Variants in TENM3 observed in about 807,000 individuals in gnomAD.
The protein encoded by TENM3 is teneurin-3.
Under a neutral mutation model 255.1 loss-of-function variants are expected in TENM3, and 63 were observed. That is an observed-to-expected ratio of 0.25 (90% CI 0.20 to 0.30). The LOEUF is 0.30. Among genes scored for constraint, TENM3 ranks in the 10% least tolerant of loss-of-function variants. The pLI is 1.00. For missense variants in TENM3, 2,929 were observed against 3,461.1 expected (o/e 0.85, Z 3.86); for synonymous variants, 1,306 against 1,322.3 (o/e 0.99, Z 0.27).
intron 5 of TENM3, among the ~76,000 whole-genome samples, chr4:182,639,780 A>T (rs533228062): frequency 3.9e-5 from 6 of 152,320 alleles, no homozygotes; most frequent in African/African-American, 1.4e-4. Context: ...CTTGCCTTTA[A>T]CATCTCTTTT....
chr4:182,169,547 G>T (rs1751963850), intron 1 of TENM3, among the ~76,000 whole-genome samples: 1 of 152,156 alleles, frequency 6.6e-6, no homozygotes, highest in African/African-American at 2.4e-5. Flanking sequence ...AGAAAGTGCT[G>T]TGAATTTAAA....
chr4:182,220,748 C>G (rs1755806042), intron 1 of TENM3, among the ~76,000 whole-genome samples: 2 of 152,196 alleles, frequency 1.3e-5, no homozygotes, highest in Non-Finnish European at 2.9e-5. Flanking sequence ...AGCCCATGTA[C>G]AGTGTACATT....
the TENM3 span, among the ~76,000 whole-genome samples, chr4:181,827,707 G>A: frequency 1.3e-5 from 2 of 152,170 alleles, no homozygotes; most frequent in Non-Finnish European, 2.9e-5. Flanking sequence ...GCTGAGGGAG[G>A]AACCCTGTGG....
chr4:181,564,649 A>G, the TENM3 span, among the ~76,000 whole-genome samples: 1 of 151,988 alleles, frequency 6.6e-6, no homozygotes, highest in Non-Finnish European at 1.5e-5. Context: ...CTCCTCCCCC[A>G]TCTGTCTCAG....
At chr4:182,417,248 T>A (rs1002311939) in intron 3 of TENM3, among the ~76,000 whole-genome samples, 4 of 152,124 alleles carry the variant, frequency 2.6e-5, no homozygotes, top group African/African-American at 9.7e-5. Context: ...AGTGCTGGGA[T>A]TACAGGCGTG....
chr4:181,462,323 T>C, the TENM3 span, among the ~76,000 whole-genome samples: 2 of 152,094 alleles, frequency 1.3e-5, no homozygotes, highest in East Asian at 3.9e-4. Flanking sequence ...CCAGAGTCCT[T>C]TCCATTTCCC....
chr4:181,688,466 C>G, the TENM3 span, among the ~76,000 whole-genome samples: 3 of 151,836 alleles, frequency 2.0e-5, no homozygotes, highest in Non-Finnish European at 2.9e-5. Flanking sequence ...TTGATAGAAG[C>G]CAATTCATGT....
chr4:182,314,021 G>A (rs1408535834), intron 1 of TENM3, among the ~76,000 whole-genome samples: 3 of 152,104 alleles, frequency 2.0e-5, no homozygotes, highest in Admixed American at 6.6e-5. Flanking sequence ...ATTAAAAGAG[G>A]GCACGGGCTG....
chr4:181,832,134 G>A, the TENM3 span, among the ~76,000 whole-genome samples: 372 of 152,108 alleles, frequency 2.4e-3, 3 homozygotes, highest in African/African-American at 8.5e-3. Context: ...AGTGCACAAT[G>A]TGTTTCGTGT....
the TENM3 span, among the ~76,000 whole-genome samples, chr4:181,623,092 TA>T: frequency 5.3e-5 from 8 of 151,634 alleles, no homozygotes; most frequent in African/African-American, 1.7e-4. Flanking sequence ...AAGTTCGAAT[TA>T]AAAAAAAACT....
At chr4:182,051,233 C>T in the TENM3 span, among the ~76,000 whole-genome samples, 12 of 151,738 alleles carry the variant, frequency 7.9e-5, no homozygotes, top group Non-Finnish European at 1.6e-4. Flanking sequence ...ATCCCAGCTA[C>T]TCGGGAGGCT....
At chr4:182,285,871 C>T (rs895038159) in intron 1 of TENM3, among the ~76,000 whole-genome samples, 2 of 152,064 alleles carry the variant, frequency 1.3e-5, no homozygotes, top group Non-Finnish European at 1.5e-5. Flanking sequence ...AAAAAATAAG[C>T]CTTTAAACAA....
chr4:182,255,813 A>AT lies in TENM3; in HGVS notation c.-76+12346dup, dbSNP rs199657370. On this transcript the variant is annotated intron_variant, in intron 1 of 27. Coordinates refer to ENST00000511685, the MANE Select transcript of TENM3 (RefSeq NM_001080477.4). ...AAAATTTGCATCCTTCATTGTTAAC[A>AT]TTTTTTTTTCCTGAATGAGAAGACT... Among the ~76,000 whole-genome samples, 11 of 151,588 alleles carry AT rather than the reference A, an allele frequency of 7.3e-5. No individual in the cohort carries two copies. The South Asian group carries it at 8.4e-4, about 12-fold the overall frequency.
At chr4:182,030,756 T>C in the TENM3 span, among the ~76,000 whole-genome samples, 453 of 152,300 alleles carry the variant, frequency 3.0e-3, 1 homozygote, top group African/African-American at 0.01. Context: ...CCTGACTAGG[T>C]GAGATGCTAT....
the TENM3 span, among the ~76,000 whole-genome samples, chr4:181,862,632 G>A: frequency 2.0e-5 from 3 of 152,108 alleles, no homozygotes; most frequent in Non-Finnish European, 2.9e-5. Flanking sequence ...AGGCACTGTA[G>A]CAAATTTCTT....
At chr4:181,495,076 A>C in the TENM3 span, among the ~76,000 whole-genome samples, 1 of 152,214 alleles carries the variant, frequency 6.6e-6, no homozygotes, top group African/African-American at 2.4e-5. Flanking sequence ...AATTAAAGAT[A>C]ATCAGTAAGG....
At chr4:182,078,469 C>G in the TENM3 span, among the ~76,000 whole-genome samples, 1 of 152,128 alleles carries the variant, frequency 6.6e-6, no homozygotes, top group Admixed American at 6.5e-5. Context: ...TTGCAGTGAG[C>G]TGAGATCATG....
chr4:182,381,032 C>T (rs1048004823), intron 3 of TENM3, among the ~76,000 whole-genome samples: 19 of 152,180 alleles, frequency 1.2e-4, no homozygotes, highest in African/African-American at 4.1e-4. Context: ...CTGACGCTGA[C>T]GGGCAGTCTT....
At chr4:181,500,847 A>G in the TENM3 span, among the ~76,000 whole-genome samples, 1 of 152,202 alleles carries the variant, frequency 6.6e-6, no homozygotes, top group Admixed American at 6.5e-5. Flanking sequence ...AAGTTCATAC[A>G]ATTCCAGCAG....
Sources: gnomAD v4.1 joint callset for allele counts (sites outside exome capture counted in the v4.1 genomes callset) on GRCh38, gnomAD v4.1.1 for gene constraint, MANE v1.5 for transcripts, NCBI Gene and HGNC (gene_info 2026-07-23, HGNC 2026-07-21) for gene names.